ASCC1: variants seen among roughly 807,000 people sequenced by gnomAD.
ASCC1 encodes the protein activating signal cointegrator 1 complex subunit 1.
In ASCC1, 35 loss-of-function variants were observed where a neutral mutation model predicts 46.6. The observed-to-expected ratio is 0.75, with a 90% CI of 0.57 to 0.99. The LOEUF (loss-of-function observed/expected upper bound fraction) is 0.99. Ranked by LOEUF, ASCC1 falls within the 50% of genes least tolerant of loss-of-function variation. ASCC1 has a pLI of 0.00. For missense variants in ASCC1, 376 were observed against 428.7 expected, an observed-to-expected ratio of 0.88 and a Z score of 1.09; for synonymous variants, 143 against 146.6, an observed-to-expected ratio of 0.98 and a Z score of 0.18.
intron 9 of ASCC1, among the ~76,000 whole-genome samples, chr10:72,108,306 G>T (rs976566193): frequency 1.1e-4 from 17 of 151,568 alleles, no homozygotes; most frequent in Non-Finnish European, 1.6e-4. Context: ...CAAACTCCTG[G>T]GCTCAAGTGA....
chr10:72,189,911 T>C (rs1161924685), intron 5 of ASCC1: 31 of 684,034 alleles, frequency 4.5e-5, no homozygotes, highest in Non-Finnish European at 7.6e-5. Flanking sequence ...ACAGCCTTTC[T>C]GTCTGGCGGC....
At position 72,213,262 on chromosome 10, in the gene ASCC1, C is replaced by T. The variant is rs1858445052; in HGVS notation, c.37G>A (p.Gly13Ser). ...ACTGGATTCTTCCTGTAATTCCGGC[C>T]ATCAATTCTTATAAGCTGTGGACGC... is the stretch of plus-strand genomic sequence containing the variant. ...VLRPQLIRID[G>S]RNYRKNPVQE... Residue 13 changes from glycine to serine, a missense_variant, in exon 2 of 10, where the codon GGC becomes AGC. Transcript: ENST00000672957. 6.2e-7 allele frequency: 1 copy of T among 1,613,800 alleles called. No homozygotes were observed. The highest frequency in any genetic ancestry group is 1.7e-5 in the Admixed American group (1 of 59,976).
At chr10:72,193,480 C>A (rs895918726) in intron 5 of ASCC1, among the ~76,000 whole-genome samples, 3 of 147,212 alleles carry the variant, frequency 2.0e-5, no homozygotes, top group Non-Finnish European at 4.5e-5. Flanking sequence ...ACACACACAC[C>A]ACACACACAC....
At chr10:72,104,034 G>C (rs1842082495) in intron 9 of ASCC1, among the ~76,000 whole-genome samples, 1 of 152,000 alleles carries the variant, frequency 6.6e-6, no homozygotes, top group Non-Finnish European at 1.5e-5. Context: ...TCTGACTTTT[G>C]TTACAGGGGC....
At chr10:72,113,204 T>C (rs1187556294) in intron 9 of ASCC1, among the ~76,000 whole-genome samples, 1 of 152,242 alleles carries the variant, frequency 6.6e-6, no homozygotes, top group Non-Finnish European at 1.5e-5. Context: ...GAAATGATTT[T>C]AAGAAAGGTA....
At chr10:72,129,198 C>T (rs531265738) in intron 8 of ASCC1, among the ~76,000 whole-genome samples, 76 of 152,152 alleles carry the variant, frequency 5.0e-4, no homozygotes, top group African/African-American at 1.5e-3. Flanking sequence ...GATCCCAACC[C>T]CGTGCATATT....
At chr10:72,162,942 CA>C (rs34656757) in intron 5 of ASCC1, among the ~76,000 whole-genome samples, 2 of 143,590 alleles carry the variant, frequency 1.4e-5, no homozygotes, top group Non-Finnish European at 3.0e-5. Flanking sequence ...GACTCTGTCT[CA>C]AAAAAAAAGG....
intron 5 of ASCC1, among the ~76,000 whole-genome samples, chr10:72,187,644 C>T (rs1663071177): frequency 7.0e-6 from 1 of 142,648 alleles, no homozygotes; most frequent in Non-Finnish European, 1.5e-5. Flanking sequence ...GGCGAGAACC[C>T]GGGAGACGGA....
chr10:72,168,570 G>A (rs1284820603), intron 5 of ASCC1, among the ~76,000 whole-genome samples: 7 of 152,176 alleles, frequency 4.6e-5, no homozygotes, highest in African/African-American at 1.7e-4. Flanking sequence ...CTGACCCAAT[G>A]CTCTAGACTG....
chr10:72,180,357 G>A (rs1852421537), intron 5 of ASCC1, among the ~76,000 whole-genome samples: 1 of 152,078 alleles, frequency 6.6e-6, no homozygotes, highest in Non-Finnish European at 1.5e-5. Flanking sequence ...CAGGCACGGT[G>A]GATCACACCT....
intron 8 of ASCC1, among the ~76,000 whole-genome samples, chr10:72,129,925 G>C (rs1213528156): frequency 7.6e-6 from 1 of 130,880 alleles, no homozygotes; most frequent in Non-Finnish European, 1.5e-5. Flanking sequence ...AGGTTGCAGA[G>C]AGCCAAGATC....
intron 5 of ASCC1, among the ~76,000 whole-genome samples, chr10:72,163,631 A>G (rs2132717557): frequency 6.6e-6 from 1 of 151,976 alleles, no homozygotes; most frequent in South Asian, 2.1e-4. Context: ...GCTACTACGG[A>G]GGCTGAGGCA....
At chr10:72,176,616 A>G (rs1270259608) in intron 5 of ASCC1, among the ~76,000 whole-genome samples, 2 of 152,146 alleles carry the variant, frequency 1.3e-5, no homozygotes, top group Non-Finnish European at 2.9e-5. Context: ...AAGTGTTAAG[A>G]TTACAGGTGT....
chr10:72,109,940 TGA>T (rs1420829758), intron 9 of ASCC1, among the ~76,000 whole-genome samples: 1 of 152,164 alleles, frequency 6.6e-6, no homozygotes, highest in South Asian at 2.1e-4. Flanking sequence ...GCCTCAGAGA[TGA>T]GAGGTGAAAG....
intron 9 of ASCC1, among the ~76,000 whole-genome samples, chr10:72,115,866 C>T (rs1319571114): frequency 6.6e-6 from 1 of 152,186 alleles, no homozygotes; most frequent in Non-Finnish European, 1.5e-5. Context: ...ATGAAAGATG[C>T]AGCTACTTTC....
intron 7 of ASCC1, among the ~76,000 whole-genome samples, chr10:72,143,822 G>T (rs1218123125): frequency 2.7e-5 from 4 of 150,548 alleles, no homozygotes; most frequent in African/African-American, 9.8e-5. Context: ...TATGATGAAG[G>T]GTTTCTCAGT....
At position 72,161,591 on chromosome 10, in the gene ASCC1, T is replaced by C. The variant is rs1190918257; in HGVS notation, c.573A>G (p.Glu191=). 1.2e-6 allele frequency: 2 copies of C among 1,614,108 alleles called. No individual in the cohort carries two copies. The highest frequency in any genetic ancestry group is 1.1e-5 in the South Asian group (1 of 91,078). ...GCATCTCACATGTCTGCTGGATCTC[T>C]TCCTCACTCAAAAGCACCAACATCC... ...TIGMLVLLSE[E]EIQQTCEMLQ... The change falls in exon 6 of 10, where the codon GAA becomes GAG. Residue 191 remains glutamate, a synonymous_variant. Coordinates refer to ENST00000672957, the MANE Select transcript of ASCC1 (RefSeq NM_001198800.3).
chr10:72,176,422 AC>A (rs1851866702), intron 5 of ASCC1, among the ~76,000 whole-genome samples: 1 of 152,012 alleles, frequency 6.6e-6, no homozygotes, highest in Non-Finnish European at 1.5e-5. Flanking sequence ...GGCTACTGTA[AC>A]CTCTATCTCT....
intron 7 of ASCC1, among the ~76,000 whole-genome samples, chr10:72,136,584 C>T (rs757063606): frequency 1.3e-5 from 2 of 152,134 alleles, no homozygotes; most frequent in Admixed American, 1.3e-4. Context: ...GGGATGTGGG[C>T]GGGGCCAAAT....
Sources: gnomAD v4.1 joint callset for allele counts (sites outside exome capture counted in the v4.1 genomes callset) on GRCh38, gnomAD v4.1.1 for gene constraint, MANE v1.5 for transcripts, NCBI Gene and HGNC (gene_info 2026-07-23, HGNC 2026-07-21) for gene names.